Variants in TSC2 observed in about 807,000 individuals in gnomAD.
TSC2 encodes the protein TSC complex subunit 2, also known as tuberin.
TSC2 carries 29 observed loss-of-function variants against 202.2 expected under a neutral mutation model. The observed-to-expected ratio is 0.14, with a 90% CI of 0.11 to 0.20. The LOEUF (loss-of-function observed/expected upper bound fraction) is 0.20. TSC2 is among the 10% of genes least tolerant of loss of function. The pLI, the probability that TSC2 is intolerant of heterozygous loss-of-function variation, is 1.00. For synonymous variants in TSC2, 1,349 were observed against 1,044.0 expected (o/e 1.29, Z -5.63); for missense variants, 2,429 against 2,420.0 (o/e 1.00, Z -0.08).
intron 3 of TSC2, among the ~76,000 whole-genome samples, chr16:2,052,012 C>G (rs2085186243): frequency 6.6e-6 from 1 of 152,134 alleles, no homozygotes; most frequent in Non-Finnish European, 1.5e-5. Flanking sequence ...TTGTGGTGAG[C>G]TGAGATTGTG....
chr16:2,054,948 T>A, intron 5 of TSC2: 1 of 331,480 alleles, frequency 3.0e-6, no homozygotes, highest in Non-Finnish European at 5.8e-6. Context: ...AGGGCCTCAG[T>A]GGCTGGGCTG....
intron 7 of TSC2, 102 bp downstream of exon 7, chr16:2,056,346 C>T (rs1444904084): frequency 2.7e-6 from 4 of 1,503,094 alleles, no homozygotes; most frequent in African/African-American, 1.4e-5. Flanking sequence ...GCTGTGTAGC[C>T]CTGGGCAAGC....
chr16:2,080,567 T>C, intron 30 of TSC2, 190 bp downstream of exon 30: 1 of 667,952 alleles, frequency 1.5e-6, no homozygotes, highest in South Asian at 2.0e-5. Flanking sequence ...CACTGCAAGC[T>C]CCACCTCCCG....
intron 26 of TSC2, 41 bp downstream of exon 26, chr16:2,077,767 T>TG: frequency 6.2e-7 from 1 of 1,607,754 alleles, no homozygotes; most frequent in Non-Finnish European, 8.5e-7. Context: ...CCCTGGAGCT[T>TG]GGCCCCGTGA....
At position 2,055,323 on chromosome 16, in the gene TSC2, C is replaced by T. The variant is rs1461151224; in HGVS notation, c.482-79C>T. 2.3e-4 allele frequency: 255 copies of T among 1,125,860 alleles called. 6 individuals carry two copies. The South Asian group carries it at 3.0e-3, about 13-fold the overall frequency. 69.7% of individuals were successfully genotyped at this position (1,125,860 alleles called of 1,614,324 possible). A position where few individuals can be genotyped will look rare whatever the true frequency, so the allele number is the denominator to read the frequency against. Reference sequence around the variant, plus strand: ...TCTGGCAGTGACGGGTTTGGACACACTGTCCTGCGGCGGGAGGGGGAGGTG... The same window carrying T: ...TCTGGCAGTGACGGGTTTGGACACATTGTCCTGCGGCGGGAGGGGGAGGTG... On this transcript the variant is annotated intron_variant, in intron 5 of 41. Transcript: ENST00000219476.
rs758181221 is a variant in TSC2 at position 2,050,388 on chromosome 16, ATC to A, written c.139-5_139-4del. 1.2e-6 allele frequency: 2 copies of A among 1,613,450 alleles called. No individual in the cohort carries two copies. Among genetic ancestry groups the A allele is most frequent in the African/African-American group, 1.3e-5 (1 of 74,840 alleles). On this transcript the variant is annotated splice_polypyrimidine_tract_variant and intron_variant, in intron 2 of 41. Coordinates refer to ENST00000219476, the MANE Select transcript of TSC2 (RefSeq NM_000548.5). Reference sequence around the variant, plus strand: ...AGCACTGGCCCCTTTTTCTTCTTTCATCTCTCTCCAGGAACTGAGCATGGAAT... The same window carrying A: ...AGCACTGGCCCCTTTTTCTTCTTTCATCTCTCCAGGAACTGAGCATGGAAT...
Position 2,074,683 on chromosome 16 carries a change from G to C in TSC2, c.2545+294G>C, listed in dbSNP as rs529652625. 31 of 494,548 alleles carry C rather than the reference G, an allele frequency of 6.3e-5. No homozygotes were observed. The South Asian group carries it at 6.5e-4, about 10-fold the overall frequency. 30.6% of individuals were successfully genotyped at this position (494,548 alleles called of 1,614,324 possible). A position where few individuals can be genotyped will look rare whatever the true frequency, so the allele number is the denominator to read the frequency against. Reference sequence around the variant, plus strand: ...TTGGGCCTCCTCTCTGTCCAACAGAGCACACGCCGCTTCAGGGGGGCTTTG... The same window carrying C: ...TTGGGCCTCCTCTCTGTCCAACAGACCACACGCCGCTTCAGGGGGGCTTTG... On this transcript the variant is annotated intron_variant, in intron 22 of 41. Coordinates refer to ENST00000219476, the MANE Select transcript of TSC2 (RefSeq NM_000548.5).
In TSC2 at chr16:2,079,246, A is replaced by G. The variant is rs45517283; in HGVS notation, c.3132-30A>G. ...GCGGGCCTGCGGGAGCTCCACGGGC[A>G]AGCTGGGTTTCACGCTCCCTGTCTT... On this transcript the variant is annotated intron_variant, in intron 27 of 41. Coordinates refer to ENST00000219476, the MANE Select transcript of TSC2 (RefSeq NM_000548.5). The surrounding 1 kb of genome is among the most constrained non-coding windows in gnomAD (Gnocchi z 4.6). The G allele has an allele frequency of 6.6e-4, 1,058 of 1,612,806 alleles. 5 individuals are homozygous for G. In the African/African-American group the frequency reaches 0.012, roughly 19 times the overall value.
chr16:2,060,143 C>CA (rs1382569561), intron 10 of TSC2, among the ~76,000 whole-genome samples: 2 of 152,138 alleles, frequency 1.3e-5, no homozygotes, highest in Non-Finnish European at 2.9e-5. Context: ...GGTGGTACAG[C>CA]TTCAGTTTCC....
chr16:2,079,066 G>C lies in TSC2; in HGVS notation c.3001G>C (p.Gly1001Arg). The change falls in exon 27 of 42, where the codon GGG becomes CGG. Residue 1001 changes from glycine (G) to arginine (R), a missense_variant. By Grantham distance (125) the Gly-to-Arg change is moderately radical (BLOSUM62 -2). Transcript: ENST00000219476. The surrounding 1 kb of genome is among the most constrained non-coding windows in gnomAD (Gnocchi z 4.6). The part of the protein sequence containing the change: ...IQTSLTSASL[G>R]SADENSVAQA... ...GACGTCCCTCACCAGTGCCAGCTTGGGGTCTGCAGATGAGAACTCCGTGGC... is the reference window on the plus strand; with the variant it reads ...GACGTCCCTCACCAGTGCCAGCTTGCGGTCTGCAGATGAGAACTCCGTGGC... 6.2e-7 allele frequency: 1 copy of C among 1,612,920 alleles called. No homozygotes were observed. Among genetic ancestry groups the C allele is most frequent in the Non-Finnish European group, 8.5e-7 (1 of 1,180,016 alleles).
At chr16:2,080,772 C>T (rs1335703505) in intron 30 of TSC2, 9 of 236,300 alleles carry the variant, frequency 3.8e-5, no homozygotes, top group Non-Finnish European at 6.7e-5. Flanking sequence ...GCGTGAGCCA[C>T]CGCGCCCAGC....
rs2091340186 is a variant in TSC2 at position 2,089,374 on chromosome 16, C to CTGT, written c.*764_*765insTGT. On this transcript the variant is annotated 3_prime_UTR_variant, in exon 42 of 42. Coordinates refer to ENST00000219476, the MANE Select transcript of TSC2 (RefSeq NM_000548.5). ...GCAGGGTGGCGGCGGTGCAGGCTAA[C>CTGT]CCTCCCTGAAGCCAGCAGCCTTAGC... is the stretch of plus-strand genomic sequence containing the variant. The CTGT allele has an allele frequency of 2.5e-6, 1 of 394,104 alleles. No individual in the cohort carries two copies. Among genetic ancestry groups the CTGT allele is most frequent in the Admixed American group, 4.1e-5 (1 of 24,440 alleles). The allele number at this position is 394,104 out of a possible 1,614,324, so 24.4% of individuals were successfully genotyped here. A position where few individuals can be genotyped will look rare whatever the true frequency, so the allele number is the denominator to read the frequency against.
chr16:2,052,098 G>C (rs1453960959), intron 3 of TSC2, among the ~76,000 whole-genome samples: 1 of 152,076 alleles, frequency 6.6e-6, no homozygotes, highest in African/African-American at 2.4e-5. Flanking sequence ...CCTGCATCCT[G>C]TTCTGAAAGT....
intron 15 of TSC2, 187 bp downstream of exon 15, chr16:2,064,614 G>C: frequency 1.1e-6 from 1 of 877,800 alleles, no homozygotes. Flanking sequence ...TTTGTGTCCT[G>C]ACTGAAAGTC....
chr16:2,082,008 A>G (rs2090203422), intron 31 of TSC2: 5 of 717,908 alleles, frequency 7.0e-6, no homozygotes, highest in Non-Finnish European at 1.2e-5. Context: ...TGGCAGCTTC[A>G]GAAGCAGTAG....
Position 2,064,077 on chromosome 16 carries a change from C to G in TSC2, c.1444-195C>G. ...GCTCACCAGCCTTCTGAACGAGGAG[C>G]TGGACAGGATCCCTGGAAGGGGCCC... On this transcript the variant is annotated intron_variant, in intron 14 of 41. Transcript: ENST00000219476. 3.8e-6 allele frequency: 3 copies of G among 799,760 alleles called. 1 individual carries two copies. The South Asian group carries it at 4.5e-5, about 12-fold the overall frequency. 49.5% of individuals were successfully genotyped at this position (799,760 alleles called of 1,614,324 possible).
intron 36 of TSC2, among the ~76,000 whole-genome samples, chr16:2,085,568 CG>C (rs1417145494): frequency 4.6e-5 from 7 of 152,160 alleles, no homozygotes; most frequent in Non-Finnish European, 8.8e-5. Context: ...CGGGTGGCAC[CG>C]GTCGCAGGGC....
intron 31 of TSC2, 192 bp downstream of exon 31, chr16:2,081,990 G>A: frequency 1.3e-6 from 1 of 799,848 alleles, no homozygotes; most frequent in South Asian, 1.6e-5. Context: ...TGCTCAGGAA[G>A]CTGGGGCTGG....
intron 6 of TSC2, chr16:2,055,904 A>G (rs1221038404): frequency 1.9e-6 from 1 of 521,000 alleles, no homozygotes; most frequent in Non-Finnish European, 3.5e-6. Context: ...AAAAAAAAAA[A>G]AAAAAGAGAA....
Sources: gnomAD v4.1 joint callset for allele counts (sites outside exome capture counted in the v4.1 genomes callset) on GRCh38, gnomAD v4.1.1 for gene constraint, Gnocchi (gnomAD v3.1) non-coding constraint, MANE v1.5 for transcripts, NCBI Gene and HGNC (gene_info 2026-07-23, HGNC 2026-07-21) for gene names.